Variants in TSEN34 observed in about 807,000 individuals in gnomAD.
The protein encoded by TSEN34 is tRNA splicing endonuclease subunit 34.
In TSEN34, 25 loss-of-function variants were observed where a neutral mutation model predicts 30.2. That is an observed-to-expected ratio of 0.83 (90% confidence interval 0.60 to 1.16). The LOEUF (loss-of-function observed/expected upper bound fraction) is 1.16. Among genes scored for constraint, TSEN34 ranks in the 50% most tolerant of loss-of-function variants. The probability of loss-of-function intolerance (pLI) is 0.00; values close to 1 mark genes in which losing one functional copy is unlikely to be tolerated. For missense variants in TSEN34, 475 were observed against 411.9 expected (o/e 1.15, Z -1.33); for synonymous variants, 209 against 177.4 (o/e 1.18, Z -1.41).
upstream of TSEN34, chr19:54,190,891 C>G: frequency 9.6e-7 from 1 of 1,046,036 alleles, no homozygotes; most frequent in Non-Finnish European, 1.1e-6. Context: ...CTCGGCGGTG[C>G]CTTAGCCTCC....
rs1600705661 is a variant in TSEN34 at position 54,191,857 on chromosome 19, T to C, written c.380T>C (p.Leu127Pro). ...GGCCAGGCTGCTAAGAAGCAGAAAC[T>C]AGAACAGGCTTCAGGGGCCAGCTCA... ...TEGQAAKKQK[L>P]EQASGASSSQ... The change falls in exon 2 of 4, where the codon CTA becomes CCA. Residue 127 changes from leucine (L) to proline (P), a missense_variant. By Grantham distance (98) the Leu-to-Pro change is moderately conservative. Coordinates refer to ENST00000396388, the MANE Select transcript of TSEN34 (RefSeq NM_001077446.4). The C allele has an allele frequency of 5.6e-6, 9 of 1,613,830 alleles. No individual in the cohort carries two copies. Among genetic ancestry groups the C allele is most frequent in the Middle Eastern group, 1.7e-4 (1 of 6,060 alleles).
intron 3 of TSEN34, 68 bp downstream of exon 3, chr19:54,192,441 C>CTTTTTTTT (rs11420984): frequency 8.3e-7 from 1 of 1,210,628 alleles, no homozygotes. Flanking sequence ...CTGCGTTTTT[C>CTTTTTTTT]TTTTTTTTTT....
At position 54,191,945 on chromosome 19, in the gene TSEN34, G is replaced by C. The variant is rs376153530; in HGVS notation, c.468G>C (p.Ser156=). The change falls in exon 2 of 4, where the codon TCG becomes TCC. Residue 156 remains serine (S), a synonymous_variant. Transcript: ENST00000396388. ...KEDETSDGQA[S]GEQEEAGPSS... is the part of the protein sequence containing the mutation. ...ATGAGACCAGTGATGGCCAGGCTTC[G>C]GGAGAGCAGGAGGAAGCTGGTGAGC... is the stretch of plus-strand genomic sequence containing the variant. 88 of 1,614,152 alleles carry C rather than the reference G, an allele frequency of 5.5e-5. No individual in the cohort carries two copies. In the African/African-American group the frequency reaches 5.6e-4, roughly 10 times the overall value.
upstream of TSEN34, chr19:54,190,131 C>T: frequency 1.8e-6 from 1 of 549,936 alleles, no homozygotes; most frequent in South Asian, 2.1e-5. Flanking sequence ...TCCTCAAGTT[C>T]CCAAGTAGAG....
chr19:54,192,436 T>G lies in TSEN34; in HGVS notation c.745+63T>G. 3 of 1,524,534 alleles carry G rather than the reference T, an allele frequency of 2.0e-6. No individual in the cohort carries two copies. In the East Asian group the frequency reaches 7.2e-5, roughly 36 times the overall value. 94.4% of individuals were successfully genotyped at this position (1,524,534 alleles called of 1,614,324 possible). ...CCATACGATCCCAATGTATTCTGCG[T>G]TTTTCTTTTTTTTTTTTTTTGTCTT... On this transcript the variant is annotated intron_variant, in intron 3 of 3. Transcript: ENST00000396388.
Position 54,193,307 on chromosome 19 carries a change from C to T in TSEN34, c.878C>T (p.Pro293Leu), listed in dbSNP as rs1306080125. The T allele has an allele frequency of 1.4e-5, 23 of 1,614,018 alleles. No homozygotes were observed. Among genetic ancestry groups the T allele is most frequent in the East Asian group, 4.5e-5 (2 of 44,896 alleles). ...AGAAAGACCCTGCTCCTCTGTTCTCCGCAGCCTGATGGTAAGGTGGTCTAC... is the reference window on the plus strand; with the variant it reads ...AGAAAGACCCTGCTCCTCTGTTCTCTGCAGCCTGATGGTAAGGTGGTCTAC... ...SVRKTLLLCS[P>L]QPDGKVVYTS... The change falls in exon 4 of 4, where the codon CCG becomes CTG. Residue 293 changes from proline (P) to leucine (L), a missense_variant. Coordinates refer to ENST00000396388, the MANE Select transcript of TSEN34 (RefSeq NM_001077446.4).
At position 54,191,862 on chromosome 19, in the gene TSEN34, C is replaced by G. The variant is rs1463298158; in HGVS notation, c.385C>G (p.Gln129Glu). 3.1e-6 allele frequency: 5 copies of G among 1,614,104 alleles called. No homozygotes were observed. Among genetic ancestry groups the G allele is most frequent in the Non-Finnish European group, 4.2e-6 (5 of 1,179,994 alleles). ...GQAAKKQKLE[Q>E]ASGASSSQEA... ...GGCTGCTAAGAAGCAGAAACTAGAA[C>G]AGGCTTCAGGGGCCAGCTCAAGCCA... The change falls in exon 2 of 4, where the codon CAG becomes GAG. Residue 129 changes from glutamine to glutamate, a missense_variant. Physicochemically the swap from Gln to Glu is conservative, Grantham distance 29. Coordinates refer to ENST00000396388, the MANE Select transcript of TSEN34 (RefSeq NM_001077446.4).
At position 54,193,096 on chromosome 19, in the gene TSEN34, TCTC is replaced by T. The variant is rs2076767381; in HGVS notation, c.746-74_746-72del. On this transcript the variant is annotated intron_variant, in intron 3 of 3. Transcript: ENST00000396388. ...TAGTGATGGCTGAAATGATCTCAGA[TCTC>T]CTCCCAGTGGTCGTTCCCGTGGCGT... 1.4e-5 allele frequency: 23 copies of T among 1,606,580 alleles called. No individual in the cohort carries two copies. The East Asian group carries it at 4.9e-4, about 34-fold the overall frequency.
At chr19:54,191,228 G>A, upstream of TSEN34, 6 of 1,437,458 alleles carry the variant, frequency 4.2e-6, no homozygotes, top group Non-Finnish European at 5.4e-6. Context: ...GTGGTGAACG[G>A]CGGCTGAGCG....
At chr19:54,189,554 A>C (rs1262391311), upstream of TSEN34, 1 of 152,740 alleles carries the variant, frequency 6.5e-6, no homozygotes, top group Non-Finnish European at 1.5e-5. Flanking sequence ...GCGAGTCGGC[A>C]ACGGGATTCG....
chr19:54,193,721 G>A lies in TSEN34; in HGVS notation c.*359G>A. On this transcript the variant is annotated 3_prime_UTR_variant, in exon 4 of 4. Transcript: ENST00000396388. Reference sequence around the variant, plus strand: ...AACCCGTGGATGGTCTCATCTGCATGTACAGGTGAGAAAAAGGCCTGGAGG... The same window carrying A: ...AACCCGTGGATGGTCTCATCTGCATATACAGGTGAGAAAAAGGCCTGGAGG... The A allele has an allele frequency of 1.4e-6, 1 of 734,500 alleles. No individual in the cohort carries two copies. The highest frequency in any genetic ancestry group is 2.4e-6 in the Non-Finnish European group (1 of 414,370). 45.5% of individuals were successfully genotyped at this position (734,500 alleles called of 1,614,324 possible).
chr19:54,192,454 T>G (rs1354285811), intron 3 of TSEN34, 81 bp downstream of exon 3: 2 of 1,555,352 alleles, frequency 1.3e-6, no homozygotes, highest in Admixed American at 1.7e-5. Context: ...TTTTTTTTTT[T>G]TTGTCTTAAT....
At chr19:54,191,249 C>T (rs952556074), upstream of TSEN34, 6 of 1,496,680 alleles carry the variant, frequency 4.0e-6, no homozygotes, top group African/African-American at 4.4e-5. Flanking sequence ...AGGCCCCGCC[C>T]CCTGAGGCCT....
At chr19:54,192,443 T>C (rs1430336861) in intron 3 of TSEN34, 70 bp downstream of exon 3, 1 of 248,034 alleles carries the variant, frequency 4.0e-6, no homozygotes, top group Non-Finnish European at 4.9e-6. Context: ...GCGTTTTTCT[T>C]TTTTTTTTTT....
Position 54,193,494 on chromosome 19 carries a change from A to G in TSEN34, c.*132A>G, listed in dbSNP as rs562489498. The G allele has an allele frequency of 1.9e-6, 3 of 1,548,534 alleles. No homozygotes were observed. The highest frequency in any genetic ancestry group is 1.4e-5 in the African/African-American group (1 of 72,966). ...TTAGTTTTTGATTCCAGGTTTTCGAACACTACATCTTTTTTATGTTCTTCC... is the reference window on the plus strand; with the variant it reads ...TTAGTTTTTGATTCCAGGTTTTCGAGCACTACATCTTTTTTATGTTCTTCC... On this transcript the variant is annotated 3_prime_UTR_variant, in exon 4 of 4. Transcript: ENST00000396388.
At position 54,193,436 on chromosome 19, in the gene TSEN34, G is replaced by T; in HGVS notation, c.*74G>T. 6.2e-7 allele frequency: 1 copy of T among 1,600,614 alleles called. No homozygotes were observed. The highest frequency in any genetic ancestry group is 8.5e-7 in the Non-Finnish European group (1 of 1,173,810). On this transcript the variant is annotated 3_prime_UTR_variant, in exon 4 of 4. Transcript: ENST00000396388. ...TGGATGTTCCCCAGCTCTTCTCTGGGAGTCTAGAACATCCTCCTACCTTTC... is the reference window on the plus strand; with the variant it reads ...TGGATGTTCCCCAGCTCTTCTCTGGTAGTCTAGAACATCCTCCTACCTTTC...
chr19:54,191,286 G>C (rs901626511), upstream of TSEN34: 7 of 1,541,134 alleles, frequency 4.5e-6, no homozygotes, highest in Non-Finnish European at 8.7e-7. Context: ...CGAGACCCCG[G>C]AGGCTTTGGG....
At chr19:54,192,534 C>G (rs1221692188) in intron 3 of TSEN34, among the ~76,000 whole-genome samples, 161 bp downstream of exon 3, 1 of 152,048 alleles carries the variant, frequency 6.6e-6, no homozygotes, top group Non-Finnish European at 1.5e-5. Context: ...CACCTCGGCC[C>G]CCCAAAGTGC....
chr19:54,190,093 C>G, upstream of TSEN34: 1 of 532,162 alleles, frequency 1.9e-6, no homozygotes. Context: ...GGCCGGCGTG[C>G]GCCTACGGGA....
Sources: gnomAD v4.1 joint callset for allele counts (sites outside exome capture counted in the v4.1 genomes callset) on GRCh38, gnomAD v4.1.1 for gene constraint, MANE v1.5 for transcripts, NCBI Gene and HGNC (gene_info 2026-07-23, HGNC 2026-07-21) for gene names.